Variants in THRAP3 observed in about 807,000 individuals in gnomAD.
THRAP3 encodes thyroid hormone receptor-associated protein 3.
A neutral mutation model predicts 101.0 loss-of-function variants in THRAP3; 16 were observed. That is an observed-to-expected ratio of 0.16 (90% CI 0.11 to 0.24). The LOEUF is 0.24. THRAP3 is among the 10% of genes least tolerant of loss of function. The pLI is 1.00. For synonymous variants in THRAP3, 407 were observed against 422.6 expected, an observed-to-expected ratio of 0.96 and a Z score of 0.45; for missense variants, 989 against 1,202.7, an observed-to-expected ratio of 0.82 and a Z score of 2.63.
chr1:36,262,959 A>ATTTTTTTTT lies in THRAP3; in HGVS notation c.-32+3491_-32+3499dup, dbSNP rs55662646. On this transcript the variant is annotated intron_variant, in intron 2 of 11. Transcript: ENST00000354618. ...AGGCGCCCGCCACCAGGGCCGGCTA[A>ATTTTTTTTT]TTTTTTTTTTTTTTTTTTTTTTTTG... Among the ~76,000 whole-genome samples, 373 of 104,328 alleles carry ATTTTTTTTT rather than the reference A, an allele frequency of 3.6e-3. 1 individual carries two copies. The highest frequency in any genetic ancestry group is 4.1e-3 in the Non-Finnish European group (218 of 53,264). The allele number at this position is 104,328 out of a possible 152,430, so 68.4% of individuals were successfully genotyped here. A position where few individuals can be genotyped will look rare whatever the true frequency, so the allele number is the denominator to read the frequency against.
At chr1:36,282,417 A>C in intron 2 of THRAP3, 116 bp from the exon 3 acceptor site, 2 of 628,160 alleles carry the variant, frequency 3.2e-6, no homozygotes, top group Non-Finnish European at 5.2e-6. Context: ...TTTTTTGTAG[A>C]TATGGGGTCT....
At position 36,301,643 on chromosome 1, in the gene THRAP3, C is replaced by A; in HGVS notation, c.2593C>A (p.Arg865=). ...NSNNDFQKRN[R]EEEWDPEYTP... ...CAACAACGATTTTCAAAAAAGAAAC[C>A]GGGAAGAGGAGTGGGACCCAGAGTA... is the stretch of plus-strand genomic sequence containing the variant. Residue 865 remains arginine, a synonymous_variant, in exon 11 of 12, where the codon CGG becomes AGG. Coordinates refer to ENST00000354618, the MANE Select transcript of THRAP3 (RefSeq NM_005119.4). 6.2e-7 allele frequency: 1 copy of A among 1,614,042 alleles called. No homozygotes were observed. The highest frequency in any genetic ancestry group is 8.5e-7 in the Non-Finnish European group (1 of 1,180,008).
intron 3 of THRAP3, among the ~76,000 whole-genome samples, chr1:36,283,825 A>G (rs1257428670): frequency 6.6e-6 from 1 of 152,204 alleles, no homozygotes; most frequent in Admixed American, 6.5e-5. Context: ...AAGGATTAGT[A>G]GTTTTGTTTT....
chr1:36,297,004 A>C lies in THRAP3; in HGVS notation c.2303+234A>C, dbSNP rs142246664. On this transcript the variant is annotated intron_variant, in intron 9 of 11. Transcript: ENST00000354618. Reference sequence around the variant, plus strand: ...CTTCATGAGAGAAGTTAATCTGTTAAATTGACCACAGGGATGGTGTGGAGA... The same window carrying C: ...CTTCATGAGAGAAGTTAATCTGTTACATTGACCACAGGGATGGTGTGGAGA... 6.0e-4 allele frequency among the ~76,000 whole-genome samples: 92 copies of C among 152,348 alleles called. 3 individuals are homozygous for C. The East Asian group carries it at 0.017, about 28-fold the overall frequency.
At chr1:36,242,033 T>A in intron 1 of THRAP3, 1 of 178,196 alleles carries the variant, frequency 5.6e-6, no homozygotes, top group East Asian at 1.5e-4. Flanking sequence ...GTATGCTCCA[T>A]GCATCCACAG....
At chr1:36,241,038 C>T (rs968622324) in intron 1 of THRAP3, among the ~76,000 whole-genome samples, 4 of 151,954 alleles carry the variant, frequency 2.6e-5, no homozygotes, top group African/African-American at 9.7e-5. Flanking sequence ...AACCCCGTCT[C>T]TACTAAAAAT....
intron 2 of THRAP3, among the ~76,000 whole-genome samples, chr1:36,266,296 A>C (rs188905453): frequency 2.4e-4 from 37 of 152,294 alleles, no homozygotes; most frequent in African/African-American, 8.4e-4. Flanking sequence ...ACTGCACTCC[A>C]GCCTGGGCAA....
intron 2 of THRAP3, among the ~76,000 whole-genome samples, chr1:36,276,869 T>G (rs935466150): frequency 1.3e-5 from 2 of 151,268 alleles, no homozygotes; most frequent in African/African-American, 4.9e-5. Context: ...AAAACATAAA[T>G]AAAGAAAAAA....
At chr1:36,287,445 AG>A in intron 4 of THRAP3, 175 bp downstream of exon 4, 1 of 985,248 alleles carries the variant, frequency 1.0e-6, no homozygotes, top group South Asian at 4.7e-5. Flanking sequence ...GGTTAACTCT[AG>A]CTTTCCTACC....
intron 1 of THRAP3, among the ~76,000 whole-genome samples, chr1:36,230,545 G>T (rs1440391418): frequency 6.6e-6 from 1 of 152,188 alleles, no homozygotes; most frequent in East Asian, 1.9e-4. Context: ...TTACAGGCTG[G>T]AGCCACCGCG....
intron 1 of THRAP3, among the ~76,000 whole-genome samples, chr1:36,241,387 A>ATG (rs1465028044): frequency 5.9e-3 from 7 of 1,194 alleles, no homozygotes; most frequent in African/African-American, 6.9e-3. Context: ...TAATGGGTGT[A>ATG]TATATATATA....
the THRAP3 span, among the ~76,000 whole-genome samples, chr1:36,208,281 C>T: frequency 1.3e-5 from 2 of 152,220 alleles, no homozygotes; most frequent in Non-Finnish European, 2.9e-5. Flanking sequence ...CTGGACCTTC[C>T]CTGTAAGGTA....
chr1:36,214,013 A>AGAAAGAAAG, the THRAP3 span, among the ~76,000 whole-genome samples: 1 of 91,472 alleles, frequency 1.1e-5, no homozygotes, highest in East Asian at 2.3e-4. Context: ...AAAGAAAGAA[A>AGAAAGAAAG]GAAAGAAAGA....
the THRAP3 span, among the ~76,000 whole-genome samples, chr1:36,208,966 C>CTTT: frequency 7.7e-5 from 4 of 51,880 alleles, no homozygotes; most frequent in East Asian, 1.0e-3. Context: ...CATGTCCAGC[C>CTTT]TTTTTTTTTT....
At chr1:36,270,533 G>A (rs1167439391) in intron 2 of THRAP3, among the ~76,000 whole-genome samples, 1 of 151,088 alleles carries the variant, frequency 6.6e-6, no homozygotes, top group Non-Finnish European at 1.5e-5. Flanking sequence ...AATGGACATG[G>A]ACTCTAAATA....
chr1:36,249,400 C>T (rs1456425155), intron 1 of THRAP3, among the ~76,000 whole-genome samples: 2 of 151,692 alleles, frequency 1.3e-5, no homozygotes, highest in Admixed American at 1.3e-4. Context: ...ACCGTGTTAG[C>T]CAGGATGATC....
chr1:36,221,665 C>T (rs944978490), upstream of THRAP3, among the ~76,000 whole-genome samples: 1 of 152,218 alleles, frequency 6.6e-6, no homozygotes, highest in African/African-American at 2.4e-5. Flanking sequence ...CTCACTGCAA[C>T]CTCCGCCTCT....
chr1:36,257,586 A>AG lies in THRAP3; in HGVS notation c.-134-1791dup, dbSNP rs774227861. Among the ~76,000 whole-genome samples, 17 of 152,254 alleles carry AG rather than the reference A, an allele frequency of 1.1e-4. No individual in the cohort carries two copies. The East Asian group carries it at 1.9e-3, about 17-fold the overall frequency. ...GCAGGAGGAGGGCAACTGTGGTGGCAGGGGGTGACTCAGGGTTTCAGGTGT... is the reference window on the plus strand; with the variant it reads ...GCAGGAGGAGGGCAACTGTGGTGGCAGGGGGGTGACTCAGGGTTTCAGGTGT... On this transcript the variant is annotated intron_variant, in intron 1 of 11. Transcript: ENST00000354618.
At chr1:36,249,720 G>GTGTGTGTGTGT (rs1553193619) in intron 1 of THRAP3, among the ~76,000 whole-genome samples, 4 of 146,808 alleles carry the variant, frequency 2.7e-5, no homozygotes, top group East Asian at 2.0e-4. Context: ...GTGTGTGTGT[G>GTGTGTGTGTGT]GTGGAGGTTG....
Sources: gnomAD v4.1 joint callset for allele counts (sites outside exome capture counted in the v4.1 genomes callset) on GRCh38, gnomAD v4.1.1 for gene constraint, MANE v1.5 for transcripts, NCBI Gene and HGNC (gene_info 2026-07-23, HGNC 2026-07-21) for gene names.